Variants in WDPCP observed in about 807,000 individuals in gnomAD.
WDPCP encodes the protein WD repeat containing planar cell polarity effector.
In WDPCP, 71 loss-of-function variants were observed where a neutral mutation model predicts 93.1. That is an observed-to-expected ratio of 0.76 (90% CI 0.63 to 0.93). The LOEUF (loss-of-function observed/expected upper bound fraction) is 0.93. WDPCP is among the 40% of genes least tolerant of loss of function. WDPCP has a pLI of 0.00. For synonymous variants in WDPCP, 315 were observed against 315.0 expected (o/e 1.00, Z 0.00); for missense variants, 844 against 887.4 (o/e 0.95, Z 0.62).
chr2:63,749,506 C>T (rs368325186), intron 2 of WDPCP, among the ~76,000 whole-genome samples: 7 of 152,014 alleles, frequency 4.6e-5, no homozygotes, highest in African/African-American at 1.2e-4. Context: ...TTTTCATATT[C>T]GATACACGAG....
intron 1 of WDPCP, among the ~76,000 whole-genome samples, chr2:63,827,290 C>G (rs1478445938): frequency 6.6e-6 from 1 of 152,106 alleles, no homozygotes; most frequent in Non-Finnish European, 1.5e-5. Flanking sequence ...TTTTATTAAA[C>G]AAAATATGCT....
chr2:63,533,065 C>T (rs1703988403), intron 1 of WDPCP, among the ~76,000 whole-genome samples: 1 of 152,124 alleles, frequency 6.6e-6, no homozygotes, highest in Non-Finnish European at 1.5e-5. Context: ...CAATCCTAGT[C>T]TCTGATAAAA....
At chr2:63,338,563 AAAAAAAAT>A (rs1411022514) in intron 12 of WDPCP, among the ~76,000 whole-genome samples, 2 of 86,466 alleles carry the variant, frequency 2.3e-5, no homozygotes, top group African/African-American at 4.3e-5. Context: ...AAAAAAAAAA[AAAAAAAAT>A]ATATATATAT....
chr2:63,455,619 G>A (rs556022459), intron 6 of WDPCP, among the ~76,000 whole-genome samples: 2 of 152,152 alleles, frequency 1.3e-5, no homozygotes, highest in East Asian at 3.9e-4. Context: ...GATCAATCGA[G>A]CAAGAGGATA....
At chr2:63,691,318 G>A (rs1477484004) in intron 2 of WDPCP, among the ~76,000 whole-genome samples, 1 of 152,174 alleles carries the variant, frequency 6.6e-6, no homozygotes, top group East Asian at 1.9e-4. Context: ...CCCTGAACAG[G>A]TTATGAACAT....
At chr2:63,400,898 G>A (rs1558577954) in intron 10 of WDPCP, among the ~76,000 whole-genome samples, 1 of 152,104 alleles carries the variant, frequency 6.6e-6, no homozygotes, top group Non-Finnish European at 1.5e-5. Context: ...AATGGGGAGA[G>A]GATCCCCTAT....
At chr2:63,490,382 G>A (rs954717568) in intron 2 of WDPCP, among the ~76,000 whole-genome samples, 4 of 152,014 alleles carry the variant, frequency 2.6e-5, no homozygotes, top group African/African-American at 4.8e-5. Flanking sequence ...ACTCTCAAAC[G>A]GTTCAAGAAA....
At chr2:63,311,151 A>G (rs1686159547) in intron 13 of WDPCP, among the ~76,000 whole-genome samples, 1 of 152,194 alleles carries the variant, frequency 6.6e-6, no homozygotes, top group Non-Finnish European at 1.5e-5. Flanking sequence ...TTTCAGGTTA[A>G]CTGATACACC....
intron 17 of WDPCP, among the ~76,000 whole-genome samples, chr2:63,143,106 C>T (rs563660134): frequency 5.3e-5 from 8 of 152,078 alleles, no homozygotes; most frequent in South Asian, 2.1e-4. Context: ...CACATGTCAC[C>T]GCAGGTGCCT....
chr2:63,699,766 T>A, intron 2 of WDPCP, among the ~76,000 whole-genome samples: 1 of 152,206 alleles, frequency 6.6e-6, no homozygotes, highest in East Asian at 1.9e-4. Flanking sequence ...ATGATTGCCA[T>A]CGATTGTAAC....
At chr2:63,818,130 T>C (rs569944119) in intron 1 of WDPCP, among the ~76,000 whole-genome samples, 78 of 152,288 alleles carry the variant, frequency 5.1e-4, no homozygotes, top group African/African-American at 1.8e-3. Flanking sequence ...TGAAAGAGAA[T>C]TGGCAACCAA....
At chr2:63,678,764 A>C (rs1710454795) in intron 2 of WDPCP, among the ~76,000 whole-genome samples, 1 of 152,222 alleles carries the variant, frequency 6.6e-6, no homozygotes, top group Admixed American at 6.5e-5. Flanking sequence ...GCAGAGAAGC[A>C]CTGGCTTTTT....
intron 2 of WDPCP, among the ~76,000 whole-genome samples, chr2:63,794,633 A>G (rs1179722637): frequency 6.6e-6 from 1 of 152,128 alleles, no homozygotes; most frequent in Non-Finnish European, 1.5e-5. Flanking sequence ...ACCTTGTTGA[A>G]CTGCATTTCA....
intron 1 of WDPCP, among the ~76,000 whole-genome samples, chr2:63,586,075 C>T (rs1237290855): frequency 1.3e-5 from 2 of 152,064 alleles, no homozygotes; most frequent in Admixed American, 6.5e-5. Flanking sequence ...AGCAGTCCTC[C>T]GGCCTTAGCC....
chr2:63,304,986 C>G (rs940288086), intron 13 of WDPCP, among the ~76,000 whole-genome samples: 2 of 152,070 alleles, frequency 1.3e-5, no homozygotes, highest in African/African-American at 4.8e-5. Flanking sequence ...CCAGGAGGTT[C>G]AAAATGGGAA....
At chr2:63,177,978 G>T (rs1230730263) in intron 14 of WDPCP, among the ~76,000 whole-genome samples, 1 of 152,104 alleles carries the variant, frequency 6.6e-6, no homozygotes, top group Non-Finnish European at 1.5e-5. Flanking sequence ...TGTATCAATT[G>T]AGATGATTAT....
At chr2:63,522,695 CA>C (rs1253064914) in intron 1 of WDPCP, among the ~76,000 whole-genome samples, 2 of 152,120 alleles carry the variant, frequency 1.3e-5, no homozygotes, top group African/African-American at 4.8e-5. Context: ...TCTATGAACA[CA>C]GCTAGGAAAT....
chr2:63,451,370 T>C (rs933506901), intron 6 of WDPCP, among the ~76,000 whole-genome samples: 1 of 152,108 alleles, frequency 6.6e-6, no homozygotes, highest in Admixed American at 6.5e-5. Context: ...CTTCGACACA[T>C]ACACCCTTCC....
At chr2:63,151,095 T>G (rs1233454215) in intron 17 of WDPCP, among the ~76,000 whole-genome samples, 1 of 152,210 alleles carries the variant, frequency 6.6e-6, no homozygotes, top group African/African-American at 2.4e-5. Flanking sequence ...AAACTGATAT[T>G]TCCCTTATTC....
Sources: gnomAD v4.1 joint callset for allele counts (sites outside exome capture counted in the v4.1 genomes callset) on GRCh38, gnomAD v4.1.1 for gene constraint, MANE v1.5 for transcripts, NCBI Gene and HGNC (gene_info 2026-07-23, HGNC 2026-07-21) for gene names.